PLOD1: variants seen among roughly 807,000 people sequenced by gnomAD.
The protein encoded by PLOD1 is procollagen-lysine,2-oxoglutarate 5-dioxygenase 1, also known as lysine hydroxylase.
In PLOD1, 70 loss-of-function variants were observed where a neutral mutation model predicts 94.7. The ratio of observed to expected loss-of-function variants is 0.74; its 90% CI spans 0.61 to 0.90. The LOEUF (loss-of-function observed/expected upper bound fraction) is 0.90, where lower values mean the gene tolerates loss of function less well. Among genes scored for constraint, PLOD1 ranks in the 40% least tolerant of loss-of-function variants. The pLI is 0.00. For synonymous variants in PLOD1, 417 were observed against 400.2 expected, an observed-to-expected ratio of 1.04 and a Z score of -0.50; for missense variants, 905 against 972.7, an observed-to-expected ratio of 0.93 and a Z score of 0.93.
chr1:11,966,942 TG>T, intron 15 of PLOD1, 44 bp from the exon 16 acceptor site: 1 of 1,162,244 alleles, frequency 8.6e-7, no homozygotes, highest in Non-Finnish European at 1.3e-6. Context: ...GAGGATTCTG[TG>T]GTGCCACTGT....
intron 16 of PLOD1, among the ~76,000 whole-genome samples, chr1:11,967,658 A>ATATATATAT (rs531664511): frequency 2.8e-5 from 3 of 108,994 alleles, no homozygotes; most frequent in Non-Finnish European, 1.8e-5. Flanking sequence ...ATATATATAT[A>ATATATATAT]TTTTTTTTAA....
At chr1:11,955,173 C>A (rs1387598689) in intron 6 of PLOD1, among the ~76,000 whole-genome samples, 1 of 152,226 alleles carries the variant, frequency 6.6e-6, no homozygotes, top group African/African-American at 2.4e-5. Flanking sequence ...CAGGTCCTTA[C>A]AGGTGGGCCC....
intron 3 of PLOD1, 118 bp from the exon 4 acceptor site, chr1:11,950,239 C>A: frequency 2.0e-6 from 2 of 996,512 alleles, no homozygotes; most frequent in Non-Finnish European, 3.1e-6. Flanking sequence ...GTGGCCCAGG[C>A]TGGCGTGGGC....
At chr1:11,951,168 G>A (rs1475167794) in intron 4 of PLOD1, among the ~76,000 whole-genome samples, 1 of 152,096 alleles carries the variant, frequency 6.6e-6, no homozygotes, top group Non-Finnish European at 1.5e-5. Context: ...CATTCTCACT[G>A]GGCTCCTGGC....
chr1:11,956,159 G>A (rs1202928244), intron 6 of PLOD1, among the ~76,000 whole-genome samples: 1 of 151,942 alleles, frequency 6.6e-6, no homozygotes, highest in African/African-American at 2.4e-5. Context: ...CAAGGCGGGT[G>A]GATCACCAGA....
intron 1 of PLOD1, among the ~76,000 whole-genome samples, chr1:11,937,598 C>T (rs906152494): frequency 6.6e-6 from 1 of 152,126 alleles, no homozygotes; most frequent in South Asian, 2.1e-4. Context: ...GGAGAGAAAC[C>T]GCAGCTGCCC....
intron 1 of PLOD1, chr1:11,944,422 T>TACACAC (rs5772479): frequency 0.019 from 8,803 of 474,798 alleles, 48 homozygotes; most frequent in East Asian, 0.051. Context: ...CATGCACGCG[T>TACACAC]ACACACACAC....
intron 1 of PLOD1, among the ~76,000 whole-genome samples, chr1:11,942,149 A>C (rs1645620115): frequency 6.6e-6 from 1 of 150,906 alleles, no homozygotes; most frequent in Non-Finnish European, 1.5e-5. Context: ...CGTCTAGCTA[A>C]TTTTTGTATT....
Position 11,934,872 on chromosome 1 carries a change from CG to C in PLOD1, c.76+22del, listed in dbSNP as rs1557478582. The C allele has an allele frequency of 1.3e-6, 2 of 1,533,536 alleles. No individual in the cohort carries two copies. 95.0% of individuals were successfully genotyped at this position (1,533,536 alleles called of 1,614,324 possible). A position where few individuals can be genotyped will look rare whatever the true frequency, so the allele number is the denominator to read the frequency against. ...AGCCGGAGGGTGAGGGAGCGAAGGCCGGGGGCGGGAGCGCGGATCCGGGCGG... is the reference window on the plus strand; with the variant it reads ...AGCCGGAGGGTGAGGGAGCGAAGGCCGGGGCGGGAGCGCGGATCCGGGCGG... On this transcript the variant is annotated intron_variant, in intron 1 of 18. Transcript: ENST00000196061.
intron 16 of PLOD1, among the ~76,000 whole-genome samples, chr1:11,968,753 T>A (rs1203478796): frequency 6.6e-6 from 1 of 151,794 alleles, no homozygotes; most frequent in Non-Finnish European, 1.5e-5. Flanking sequence ...CCTCATGTTG[T>A]GATCCACCTG....
chr1:11,960,855 G>C lies in PLOD1; in HGVS notation c.1097+88G>C, dbSNP rs1422146286. On this transcript the variant is annotated intron_variant, in intron 10 of 18. Transcript: ENST00000196061. ...AGGAGCAGCAGGCTGAGTGACAGGA[G>C]TTCAGAAGGCTGTGTGTGCTCTAGC... The C allele has an allele frequency of 8.2e-6, 13 of 1,584,632 alleles. No homozygotes were observed. The Admixed American group carries it at 2.2e-4, about 27-fold the overall frequency.
intron 10 of PLOD1, among the ~76,000 whole-genome samples, chr1:11,962,402 G>A (rs1421943036): frequency 2.0e-5 from 3 of 149,444 alleles, no homozygotes; most frequent in Non-Finnish European, 3.0e-5. Context: ...TTAGCCTCCC[G>A]AGTAGCTGTG....
At chr1:11,969,277 C>T (rs1182018718) in intron 16 of PLOD1, among the ~76,000 whole-genome samples, 1 of 152,156 alleles carries the variant, frequency 6.6e-6, no homozygotes, top group African/African-American at 2.4e-5. Flanking sequence ...GCGTGAGCCA[C>T]CGTGCCTGGC....
intron 18 of PLOD1, among the ~76,000 whole-genome samples, chr1:11,973,912 T>G (rs539001498): frequency 6.6e-6 from 1 of 152,256 alleles, no homozygotes; most frequent in African/African-American, 2.4e-5. Flanking sequence ...GGAGACATAA[T>G]TGGTTTTTAC....
intron 9 of PLOD1, 98 bp from the exon 10 acceptor site, chr1:11,960,548 G>T (rs2100754031): frequency 1.1e-6 from 1 of 886,726 alleles, no homozygotes; most frequent in Non-Finnish European, 1.9e-6. Flanking sequence ...AGAGATGAAG[G>T]GGCACAGCCT....
rs545485217 is a variant in PLOD1, at chr1:11,972,937, C to T, written c.1968C>T (p.His656=). Residue 656 remains histidine (H), a synonymous_variant, in exon 18 of 19, where the codon CAC becomes CAT. Transcript: ENST00000196061. The surrounding 1 kb of genome is among the most constrained non-coding windows in gnomAD (Gnocchi z 4.6). ...KPDEQPSLMP[H]HDASTFTINI... is the part of the protein sequence containing the mutation. ...ATGAGCAGCCCTCACTGATGCCACACCATGATGCCTCCACCTTCACCATCA... is the reference window on the plus strand; with the variant it reads ...ATGAGCAGCCCTCACTGATGCCACATCATGATGCCTCCACCTTCACCATCA... The T allele has an allele frequency of 4.3e-6, 7 of 1,614,106 alleles. No individual in the cohort carries two copies. The East Asian group carries it at 1.3e-4, about 31-fold the overall frequency.
chr1:11,948,417 C>T (rs1645671967), intron 2 of PLOD1, among the ~76,000 whole-genome samples: 1 of 152,104 alleles, frequency 6.6e-6, no homozygotes, highest in African/African-American at 2.4e-5. Context: ...AGACATCTTC[C>T]CGGTATTATA....
intron 5 of PLOD1, among the ~76,000 whole-genome samples, chr1:11,953,806 A>G (rs986949396): frequency 2.6e-5 from 4 of 152,020 alleles, no homozygotes; most frequent in African/African-American, 9.6e-5. Flanking sequence ...AAAAAAAGCA[A>G]TAATGATAAT....
In PLOD1 at chr1:11,958,063, C is replaced by T. The variant is rs1217201175; in HGVS notation, c.843+120C>T. The T allele has an allele frequency of 1.5e-5, 11 of 751,076 alleles. No homozygotes were observed. The highest frequency in any genetic ancestry group is 2.6e-5 in the Non-Finnish European group (11 of 428,064). 46.5% of individuals were successfully genotyped at this position (751,076 alleles called of 1,614,324 possible). A position where few individuals can be genotyped will look rare whatever the true frequency, so the allele number is the denominator to read the frequency against. On this transcript the variant is annotated intron_variant, in intron 8 of 18. Coordinates refer to ENST00000196061, the MANE Select transcript of PLOD1 (RefSeq NM_000302.4). This position sits in a 1 kb window ranked among gnomAD's most constrained non-coding sequence, Gnocchi z 4.3. Reference sequence around the variant, plus strand: ...TTGGTGGAAAGTGAAGGGGTCACCTCCCTGCCTGGGGTTCTATCCCGGTTG... The same window carrying T: ...TTGGTGGAAAGTGAAGGGGTCACCTTCCTGCCTGGGGTTCTATCCCGGTTG...
Sources: gnomAD v4.1 joint callset for allele counts (sites outside exome capture counted in the v4.1 genomes callset) on GRCh38, gnomAD v4.1.1 for gene constraint, Gnocchi (gnomAD v3.1) non-coding constraint, MANE v1.5 for transcripts, NCBI Gene and HGNC (gene_info 2026-07-23, HGNC 2026-07-21) for gene names.